The following C2CD5 variants were observed in gnomAD, a reference collection of about 807,000 sequenced individuals.
C2CD5 encodes C2 domain-containing protein 5.
Under a neutral mutation model 130.3 loss-of-function variants are expected in C2CD5, and 109 were observed. The observed-to-expected ratio is 0.84, with a 90% confidence interval of 0.72 to 0.98. The LOEUF (loss-of-function observed/expected upper bound fraction) is 0.98. Among genes scored for constraint, C2CD5 ranks in the 50% least tolerant of loss-of-function variants. The pLI is 0.00. For synonymous variants in C2CD5, 454 were observed against 429.2 expected (o/e 1.06, Z -0.71); for missense variants, 996 against 1,261.8 (o/e 0.79, Z 3.19).
At chr12:22,513,225 T>C (rs1452698134) in intron 9 of C2CD5, 69 bp downstream of exon 9, 5 of 1,115,978 alleles carry the variant, frequency 4.5e-6, no homozygotes, top group East Asian at 4.8e-5. Context: ...AACATGCAAG[T>C]ACATGGAAGC....
At chr12:22,521,888 T>C (rs1354442700) in intron 7 of C2CD5, among the ~76,000 whole-genome samples, 4 of 152,126 alleles carry the variant, frequency 2.6e-5, no homozygotes, top group African/African-American at 9.7e-5. Context: ...AAAAACATGT[T>C]TTTTCATACT....
chr12:22,499,137 CAAAT>C (rs1215524231), intron 10 of C2CD5, among the ~76,000 whole-genome samples: 12 of 152,144 alleles, frequency 7.9e-5, no homozygotes, highest in Non-Finnish European at 4.4e-5. Context: ...TCTCAACACT[CAAAT>C]AAACTTGAGT....
intron 10 of C2CD5, among the ~76,000 whole-genome samples, chr12:22,495,495 CATAAA>C (rs1946896892): frequency 1.3e-5 from 2 of 150,432 alleles, no homozygotes; most frequent in Admixed American, 1.3e-4. Context: ...TAGTATAACA[CATAAA>C]ATAATCAAAT....
intron 26 of C2CD5, among the ~76,000 whole-genome samples, chr12:22,452,319 T>C (rs1686541410): frequency 6.6e-6 from 1 of 152,168 alleles, no homozygotes; most frequent in South Asian, 2.1e-4. Flanking sequence ...ACTCTACTTC[T>C]ACTTTCAAAC....
At chr12:22,457,577 T>C (rs1940185211) in intron 24 of C2CD5, among the ~76,000 whole-genome samples, 1 of 152,166 alleles carries the variant, frequency 6.6e-6, no homozygotes, top group African/African-American at 2.4e-5. Context: ...CATTGTCAAC[T>C]TGTAGATAAA....
intron 2 of C2CD5, 44 bp from the exon 3 acceptor site, chr12:22,535,388 G>T: frequency 9.9e-7 from 1 of 1,013,812 alleles, no homozygotes; most frequent in Non-Finnish European, 1.5e-6. Context: ...TATCAAAAAT[G>T]TGAATAAAAG....
chr12:22,506,662 A>G (rs1406664898), intron 10 of C2CD5, 49 bp downstream of exon 10: 3 of 1,058,180 alleles, frequency 2.8e-6, no homozygotes, highest in Non-Finnish European at 2.9e-6. Context: ...ATCAATTTTA[A>G]TAACCACAAT....
chr12:22,514,807 A>T (rs1438595448), intron 8 of C2CD5, among the ~76,000 whole-genome samples: 1 of 152,134 alleles, frequency 6.6e-6, no homozygotes, highest in Non-Finnish European at 1.5e-5. Context: ...TTAGCCATCA[A>T]GTAATCCTCA....
intron 14 of C2CD5, 55 bp from the exon 15 acceptor site, chr12:22,478,532 C>T: frequency 6.9e-7 from 1 of 1,457,750 alleles, no homozygotes; most frequent in Non-Finnish European, 9.5e-7. Context: ...AATAACAGTC[C>T]TTAAGTTTTC....
chr12:22,524,823 T>C (rs990797433), intron 5 of C2CD5, among the ~76,000 whole-genome samples, 196 bp from the exon 6 acceptor site: 47 of 152,204 alleles, frequency 3.1e-4, no homozygotes, highest in African/African-American at 8.9e-4. Flanking sequence ...TTGTCTTTCA[T>C]GGAGGCTCTC....
At chr12:22,470,220 C>T (rs2136160661) in intron 21 of C2CD5, among the ~76,000 whole-genome samples, 1 of 152,194 alleles carries the variant, frequency 6.6e-6, no homozygotes, top group Non-Finnish European at 1.5e-5. Flanking sequence ...CAATGCTATA[C>T]ATGTAGAATG....
intron 5 of C2CD5, among the ~76,000 whole-genome samples, chr12:22,525,350 C>T (rs192409012): frequency 3.3e-5 from 5 of 152,282 alleles, no homozygotes; most frequent in African/African-American, 4.8e-5. Flanking sequence ...TAGTGTTCTG[C>T]TCCTTTCTTT....
chr12:22,472,063 C>T lies in C2CD5; in HGVS notation c.2172G>A (p.Met724Ile), dbSNP rs1352795441. 1 of 1,522,860 alleles carries T rather than the reference C, an allele frequency of 6.6e-7. No individual in the cohort carries two copies. Among genetic ancestry groups the T allele is most frequent in the African/African-American group, 1.4e-5 (1 of 72,380 alleles). The allele number at this position is 1,522,860 out of a possible 1,614,324, so 94.3% of individuals were successfully genotyped here. A position where few individuals can be genotyped will look rare whatever the true frequency, so the allele number is the denominator to read the frequency against. The change falls in exon 19 of 27, where the codon ATG (methionine) becomes ATA (isoleucine). Residue 724 changes from methionine to isoleucine, a missense_variant and splice_region_variant. Physicochemically the swap from Met to Ile is conservative, Grantham distance 10 (BLOSUM62 1). Transcript: ENST00000446597. ...GINNWTSEIQ[M>I]FTSVRVIRLS... is the part of the protein sequence containing the mutation. ...ATCTGATTACTCTTACTGAAGTGAA[C>T]ATCTAAATGTGGGGTGACATAACAT...
At chr12:22,531,960 GAAGA>G (rs1460581114) in intron 3 of C2CD5, among the ~76,000 whole-genome samples, 1 of 152,146 alleles carries the variant, frequency 6.6e-6, no homozygotes, top group Non-Finnish European at 1.5e-5. Context: ...CGAAAGAACA[GAAGA>G]TATACCCCAA....
chr12:22,472,914 AGTAAAAATAT>A (rs1376854500), intron 16 of C2CD5, 107 bp from the exon 17 acceptor site: 1 of 691,764 alleles, frequency 1.4e-6, no homozygotes, highest in African/African-American at 1.8e-5. Flanking sequence ...ATTTTTCCTA[AGTAAAAATAT>A]GTAACAAGAA....
intron 7 of C2CD5, chr12:22,519,361 C>G (rs1950058149): frequency 1.4e-6 from 1 of 707,152 alleles, no homozygotes; most frequent in East Asian, 3.1e-5. Flanking sequence ...TTTTTAATCC[C>G]TAGCATGCAA....
At chr12:22,452,033 G>A (rs1455765270) in intron 26 of C2CD5, among the ~76,000 whole-genome samples, 2 of 152,176 alleles carry the variant, frequency 1.3e-5, no homozygotes, top group African/African-American at 2.4e-5. Context: ...TGGATAAGCT[G>A]ATTTTGAGGC....
chr12:22,455,590 A>G (rs952167106), intron 25 of C2CD5, among the ~76,000 whole-genome samples: 9 of 152,226 alleles, frequency 5.9e-5, no homozygotes, highest in Admixed American at 2.6e-4. Context: ...ATGTAGAAGT[A>G]TCATCTATTT....
Position 22,472,363 on chromosome 12 carries a change from G to A in C2CD5, c.2108-16C>T, listed in dbSNP as rs780727140. 2.4e-6 allele frequency: 3 copies of A among 1,225,898 alleles called. No individual in the cohort carries two copies. The highest frequency in any genetic ancestry group is 4.4e-5 in the Admixed American group (2 of 45,390). The allele number at this position is 1,225,898 out of a possible 1,614,324, so 75.9% of individuals were successfully genotyped here. A position where few individuals can be genotyped will look rare whatever the true frequency, so the allele number is the denominator to read the frequency against. On this transcript the variant is annotated splice_polypyrimidine_tract_variant and intron_variant, in intron 17 of 26. Transcript: ENST00000446597. ...CTATAAAAGCCTGTCAAAATAAATT[G>A]TAATCAAAATATATGATAATATTTC...
Sources: gnomAD v4.1 joint callset for allele counts (sites outside exome capture counted in the v4.1 genomes callset) on GRCh38, gnomAD v4.1.1 for gene constraint, MANE v1.5 for transcripts, NCBI Gene and HGNC (gene_info 2026-07-23, HGNC 2026-07-21) for gene names.